Variants in POC1B observed in about 807,000 individuals in gnomAD.
POC1B encodes POC1 centriolar protein homolog B.
A neutral mutation model predicts 60.6 loss-of-function variants in POC1B; 44 were observed. The observed-to-expected ratio is 0.73, with a 90% CI of 0.57 to 0.93. The LOEUF (loss-of-function observed/expected upper bound fraction) is 0.93, where lower values mean the gene tolerates loss of function less well. Ranked by LOEUF, POC1B falls within the 40% of genes least tolerant of loss-of-function variation. The probability of loss-of-function intolerance (pLI) is 0.00; values close to 1 mark genes in which losing one functional copy is unlikely to be tolerated. For missense variants in POC1B, 555 were observed against 572.3 expected (o/e 0.97, Z 0.31); for synonymous variants, 180 against 198.9 (o/e 0.90, Z 0.80).
chr12:89,482,861 C>G (rs1041258880), intron 4 of POC1B, among the ~76,000 whole-genome samples: 1 of 151,934 alleles, frequency 6.6e-6, no homozygotes, highest in Non-Finnish European at 1.5e-5. Context: ...ATAATCCTCA[C>G]TTGTCATGGG....
rs113396082 is a variant in POC1B at position 89,435,082 on chromosome 12, T to C, written c.1114-9703A>G. 2.7e-3 allele frequency among the ~76,000 whole-genome samples: 409 copies of C among 151,858 alleles called. 1 individual carries two copies. The highest frequency in any genetic ancestry group is 9.5e-3 in the African/African-American group (393 of 41,466). ...ATCTAACATCAAACAATTAGATCTA[T>C]GAAATTAATAAAAAATATTTAACCC... is the stretch of plus-strand genomic sequence containing the variant. On this transcript the variant is annotated intron_variant, in intron 10 of 11. Transcript: ENST00000313546.
intron 4 of POC1B, among the ~76,000 whole-genome samples, chr12:89,485,808 A>C (rs1016538822): frequency 6.6e-6 from 1 of 152,186 alleles, no homozygotes; most frequent in Non-Finnish European, 1.5e-5. Flanking sequence ...GATAAACCTA[A>C]GCCTACTCAC....
At chr12:89,452,835 G>T (rs570418980) in intron 10 of POC1B, among the ~76,000 whole-genome samples, 2 of 151,422 alleles carry the variant, frequency 1.3e-5, no homozygotes, top group Non-Finnish European at 2.9e-5. Flanking sequence ...AAACACTTTA[G>T]CATTTTAGTT....
intron 9 of POC1B, among the ~76,000 whole-genome samples, chr12:89,466,103 A>G (rs544776097): frequency 7.9e-5 from 12 of 152,228 alleles, no homozygotes; most frequent in Non-Finnish European, 1.6e-4. Context: ...TAATTTCTGA[A>G]GTCAGCTCTT....
chr12:89,474,973 A>G (rs36092128), intron 4 of POC1B, among the ~76,000 whole-genome samples: 4,153 of 152,250 alleles, frequency 0.027, 84 homozygotes, highest in Admixed American at 0.053. Flanking sequence ...AGATTCCCTG[A>G]GCACTTGTCA....
intron 7 of POC1B, among the ~76,000 whole-genome samples, chr12:89,468,709 T>C (rs991368369): frequency 6.6e-6 from 1 of 152,186 alleles, no homozygotes; most frequent in African/African-American, 2.4e-5. Flanking sequence ...TGGATATGCA[T>C]ATATTTAAGC....
At chr12:89,409,262 C>T in the POC1B span, among the ~76,000 whole-genome samples, 5 of 152,132 alleles carry the variant, frequency 3.3e-5, no homozygotes, top group African/African-American at 7.2e-5. Flanking sequence ...TTAGGTCTTA[C>T]GTTTAAATCT....
chr12:89,480,259 C>T (rs933808979), intron 4 of POC1B, among the ~76,000 whole-genome samples: 1 of 151,902 alleles, frequency 6.6e-6, no homozygotes, highest in African/African-American at 2.4e-5. Context: ...ACCTTAACCT[C>T]CAAAGTAGCT....
chr12:89,524,011 ACT>A (rs750708673), intron 2 of POC1B: 11 of 1,613,390 alleles, frequency 6.8e-6, no homozygotes, highest in East Asian at 4.5e-5. Context: ...CTTCAAATAA[ACT>A]CTGTCACTCA....
chr12:89,486,070 C>T (rs1335454098), intron 4 of POC1B, among the ~76,000 whole-genome samples: 1 of 152,126 alleles, frequency 6.6e-6, no homozygotes, highest in African/African-American at 2.4e-5. Flanking sequence ...TTGTTACCCC[C>T]TACATCATTT....
At chr12:89,404,139 A>G in the POC1B span, among the ~76,000 whole-genome samples, 1 of 152,108 alleles carries the variant, frequency 6.6e-6, no homozygotes, top group African/African-American at 2.4e-5. Context: ...TCTTAAAAAA[A>G]AAAAAAAAAG....
At chr12:89,456,895 G>A (rs374043340) in intron 10 of POC1B, among the ~76,000 whole-genome samples, 23 of 152,046 alleles carry the variant, frequency 1.5e-4, no homozygotes, top group African/African-American at 4.8e-4. Flanking sequence ...TAGAAATAGA[G>A]GCCAACTATT....
At chr12:89,502,727 A>G (rs1869637303) in intron 2 of POC1B, 1 of 1,354,876 alleles carries the variant, frequency 7.4e-7, no homozygotes, top group Admixed American at 1.9e-5. Context: ...TGGGAAATTG[A>G]TATTAAGACC....
intron 10 of POC1B, among the ~76,000 whole-genome samples, chr12:89,450,995 G>A (rs1043933167): frequency 1.3e-5 from 2 of 152,210 alleles, no homozygotes; most frequent in African/African-American, 2.4e-5. Context: ...TTAAATGTAT[G>A]AAACTAGCTC....
chr12:89,501,437 A>G lies in POC1B; in HGVS notation c.101-4095T>C, dbSNP rs903320335. On this transcript the variant is annotated intron_variant, in intron 2 of 11. Transcript: ENST00000313546. The stretch of plus-strand genomic sequence containing the variant: ...GGACAGACTAAAGATGAAAACATAC[A>G]TATGTCACATATTACCCAAGACAAA... 4 of 950,468 alleles carry G rather than the reference A, an allele frequency of 4.2e-6. No homozygotes were observed. The African/African-American group carries it at 4.8e-5, about 11-fold the overall frequency. The allele number at this position is 950,468 out of a possible 1,614,324, so 58.9% of individuals were successfully genotyped here. A position where few individuals can be genotyped will look rare whatever the true frequency, so the allele number is the denominator to read the frequency against.
intron 9 of POC1B, among the ~76,000 whole-genome samples, chr12:89,462,845 A>G (rs1440419598): frequency 1.3e-5 from 2 of 152,240 alleles, no homozygotes; most frequent in Non-Finnish European, 2.9e-5. Context: ...TAATTTGTAT[A>G]AAACACTTAG....
intron 11 of POC1B, among the ~76,000 whole-genome samples, chr12:89,423,096 G>A (rs1031674861): frequency 1.3e-5 from 2 of 151,876 alleles, no homozygotes; most frequent in African/African-American, 2.4e-5. Flanking sequence ...CCTCTGCCTC[G>A]TGGGCTCAAG....
intron 10 of POC1B, among the ~76,000 whole-genome samples, chr12:89,458,739 C>T (rs1032510245): frequency 1.3e-5 from 2 of 152,068 alleles, no homozygotes; most frequent in African/African-American, 4.8e-5. Context: ...TAAAAATGTA[C>T]CCAAAATATT....
intron 8 of POC1B, 99 bp from the exon 9 acceptor site, chr12:89,467,021 T>G (rs1882712726): frequency 1.1e-6 from 1 of 887,644 alleles, no homozygotes; most frequent in South Asian, 2.2e-5. Context: ...TCTCCCAAAG[T>G]AGGAAGGGTA....
Sources: allele counts gnomAD v4.1 joint callset (sites outside exome capture counted in the v4.1 genomes callset), GRCh38; gene constraint gnomAD v4.1.1; transcripts MANE v1.5; gene names NCBI Gene and HGNC (gene_info 2026-07-23, HGNC 2026-07-21).